Variants in STK32A observed in about 807,000 individuals in gnomAD.
The protein encoded by STK32A is serine/threonine kinase 32A.
STK32A carries 41 observed loss-of-function variants against 53.2 expected under a neutral mutation model. The ratio of observed to expected loss-of-function variants is 0.77; its 90% CI spans 0.60 to 1.00. STK32A has a LOEUF of 1.00. Among genes scored for constraint, STK32A ranks in the 50% least tolerant of loss-of-function variants. STK32A has a pLI of 0.00. For missense variants in STK32A, 458 were observed against 485.8 expected, an observed-to-expected ratio of 0.94 and a Z score of 0.54; for synonymous variants, 166 against 162.8, an observed-to-expected ratio of 1.02 and a Z score of -0.15.
At chr5:147,391,599 GC>G (rs1174859186), downstream of STK32A, 2 of 152,240 alleles carry the variant, frequency 1.3e-5, no homozygotes, top group Admixed American at 1.3e-4. Context: ...TTCGAAGAGG[GC>G]CGGGACTCAC....
intron 7 of STK32A, among the ~76,000 whole-genome samples, chr5:147,354,161 T>C (rs1033856704): frequency 2.6e-5 from 4 of 152,170 alleles, no homozygotes; most frequent in African/African-American, 9.7e-5. Context: ...GTGGGGGGAA[T>C]AAATCTCTTT....
chr5:147,300,204 A>G (rs1204216788), intron 4 of STK32A, among the ~76,000 whole-genome samples: 3 of 152,190 alleles, frequency 2.0e-5, no homozygotes, highest in African/African-American at 7.2e-5. Context: ...AACCTGGTTG[A>G]TAGGGATTAT....
At chr5:147,344,104 C>T (rs1455401767) in intron 6 of STK32A, among the ~76,000 whole-genome samples, 1 of 152,092 alleles carries the variant, frequency 6.6e-6, no homozygotes, top group Non-Finnish European at 1.5e-5. Flanking sequence ...TTTGTTATGT[C>T]TTTAGAAGGC....
At chr5:147,318,171 C>G (rs1038376271) in intron 4 of STK32A, among the ~76,000 whole-genome samples, 17 of 152,066 alleles carry the variant, frequency 1.1e-4, no homozygotes, top group African/African-American at 4.1e-4. Context: ...ATACTGCATA[C>G]TATAGTGTGA....
intron 5 of STK32A, among the ~76,000 whole-genome samples, chr5:147,326,731 A>C (rs951320759): frequency 6.6e-6 from 1 of 152,182 alleles, no homozygotes; most frequent in Non-Finnish European, 1.5e-5. Flanking sequence ...CTTTACATTA[A>C]TCATGTTATT....
At chr5:147,297,844 G>A (rs908261487) in intron 4 of STK32A, among the ~76,000 whole-genome samples, 1 of 152,074 alleles carries the variant, frequency 6.6e-6, no homozygotes, top group Non-Finnish European at 1.5e-5. Flanking sequence ...GCTGAATGTG[G>A]TGGCACGTGC....
At chr5:147,331,429 C>G (rs965078935) in intron 5 of STK32A, among the ~76,000 whole-genome samples, 3 of 152,286 alleles carry the variant, frequency 2.0e-5, no homozygotes, top group South Asian at 4.1e-4. Context: ...TTCAAAGGCC[C>G]TGTTCTAGGT....
intron 2 of STK32A, among the ~76,000 whole-genome samples, chr5:147,267,299 TACAG>T (rs1339665873): frequency 6.6e-6 from 1 of 152,128 alleles, no homozygotes; most frequent in Non-Finnish European, 1.5e-5. Flanking sequence ...TAGTAAGTAG[TACAG>T]ACAAACCCAA....
intron 2 of STK32A, among the ~76,000 whole-genome samples, chr5:147,245,334 A>G (rs1243531501): frequency 4.6e-5 from 7 of 152,226 alleles, no homozygotes; most frequent in African/African-American, 1.4e-4. Context: ...ATAATTAATG[A>G]TGCAGAAAAC....
chr5:147,343,854 G>T (rs1436270738), intron 6 of STK32A, among the ~76,000 whole-genome samples: 1 of 152,200 alleles, frequency 6.6e-6, no homozygotes, highest in Non-Finnish European at 1.5e-5. Context: ...AAAAGTATAT[G>T]TGTTATCTAG....
intron 8 of STK32A, among the ~76,000 whole-genome samples, chr5:147,368,798 G>A (rs1298143205): frequency 6.6e-6 from 1 of 152,010 alleles, no homozygotes; most frequent in Non-Finnish European, 1.5e-5. Context: ...AGAGAAAAAT[G>A]TACACACTTA....
chr5:147,401,866 TA>T, the STK32A span: 1 of 667,032 alleles, frequency 1.5e-6, no homozygotes, highest in Non-Finnish European at 2.3e-6. Flanking sequence ...TCCTATCTGC[TA>T]AATGTGACCA....
chr5:147,263,941 G>A (rs528680881), intron 2 of STK32A, among the ~76,000 whole-genome samples: 1 of 152,210 alleles, frequency 6.6e-6, no homozygotes, highest in African/African-American at 2.4e-5. Context: ...AGTTTCTAGA[G>A]AAGAAAACTG....
intron 7 of STK32A, among the ~76,000 whole-genome samples, chr5:147,355,709 A>C (rs1756196584): frequency 6.6e-6 from 1 of 151,766 alleles, no homozygotes; most frequent in Non-Finnish European, 1.5e-5. Flanking sequence ...ATAAAAAATA[A>C]AAATAAAAAT....
At chr5:147,359,650 T>G (rs1229519970) in intron 7 of STK32A, among the ~76,000 whole-genome samples, 1 of 152,152 alleles carries the variant, frequency 6.6e-6, no homozygotes, top group Non-Finnish European at 1.5e-5. Flanking sequence ...TGTGAGATAC[T>G]GAGAAGGGAG....
intron 11 of STK32A, among the ~76,000 whole-genome samples, chr5:147,378,994 T>C (rs1214506599): frequency 6.6e-6 from 1 of 151,800 alleles, no homozygotes; most frequent in Non-Finnish European, 1.5e-5. Flanking sequence ...GGGAATAGCA[T>C]TGAATCTATA....
At position 147,384,673 on chromosome 5, in the gene STK32A, C is replaced by T. The variant is rs138863077; in HGVS notation, c.*690C>T. ...AAATTGGTAATAATGGGAGCATTTA[C>T]ACCACGGAAACTGGTAAATGCTCGT... On this transcript the variant is annotated 3_prime_UTR_variant, in exon 13 of 13. Transcript: ENST00000397936. The T allele has an allele frequency of 9.2e-5, 39 of 422,876 alleles. No individual in the cohort carries two copies. The East Asian group carries it at 1.3e-3, about 14-fold the overall frequency. 26.2% of individuals were successfully genotyped at this position (422,876 alleles called of 1,614,324 possible). A position where few individuals can be genotyped will look rare whatever the true frequency, so the allele number is the denominator to read the frequency against.
intron 2 of STK32A, among the ~76,000 whole-genome samples, chr5:147,267,667 A>G (rs1346855253): frequency 6.6e-6 from 1 of 152,172 alleles, no homozygotes. Context: ...TCATTTACAG[A>G]TACTTATTAA....
At chr5:147,299,755 G>C (rs1249446637) in intron 4 of STK32A, among the ~76,000 whole-genome samples, 2 of 152,142 alleles carry the variant, frequency 1.3e-5, no homozygotes, top group Admixed American at 6.5e-5. Context: ...ACGGAAAAAA[G>C]AAGAGGCAGT....
Sources: gnomAD v4.1 joint callset for allele counts (sites outside exome capture counted in the v4.1 genomes callset) on GRCh38, gnomAD v4.1.1 for gene constraint, MANE v1.5 for transcripts, NCBI Gene and HGNC (gene_info 2026-07-23, HGNC 2026-07-21) for gene names.